PDE7B: variants seen among roughly 807,000 people sequenced by gnomAD.
The protein encoded by PDE7B is phosphodiesterase 7B.
A neutral mutation model predicts 56.2 loss-of-function variants in PDE7B; 29 were observed. That is an observed-to-expected ratio of 0.52 (90% confidence interval 0.38 to 0.70). The LOEUF (loss-of-function observed/expected upper bound fraction) is 0.70, where lower values mean the gene tolerates loss of function less well. Among genes scored for constraint, PDE7B ranks in the 30% least tolerant of loss-of-function variants. PDE7B has a pLI of 0.00. For synonymous variants in PDE7B, 197 were observed against 196.9 expected (o/e 1.00, Z 0.00); for missense variants, 490 against 565.0 (o/e 0.87, Z 1.35).
intron 2 of PDE7B, among the ~76,000 whole-genome samples, chr6:136,080,030 T>C (rs1160995673): frequency 1.3e-5 from 2 of 151,942 alleles, no homozygotes; most frequent in South Asian, 4.2e-4. Flanking sequence ...CCACCTGCAG[T>C]TCCTCTAGAT....
At chr6:136,119,191 T>A (rs1777888098) in intron 3 of PDE7B, among the ~76,000 whole-genome samples, 1 of 152,184 alleles carries the variant, frequency 6.6e-6, no homozygotes, top group Admixed American at 6.5e-5. Context: ...AAGAAACAAT[T>A]TCTCAAAATG....
At chr6:136,141,164 T>A (rs1049583659) in intron 3 of PDE7B, among the ~76,000 whole-genome samples, 8 of 152,194 alleles carry the variant, frequency 5.3e-5, no homozygotes, top group Non-Finnish European at 8.8e-5. Flanking sequence ...TATTGAGAGT[T>A]TTTAGCATGA....
intron 1 of PDE7B, among the ~76,000 whole-genome samples, chr6:135,890,652 AAT>A (rs1775794623): frequency 6.6e-6 from 1 of 152,320 alleles, no homozygotes; most frequent in Non-Finnish European, 1.5e-5. Context: ...GAAGGAGAAG[AAT>A]GTGGCAAGAG....
At chr6:136,093,507 C>T (rs1469621533) in intron 2 of PDE7B, among the ~76,000 whole-genome samples, 3 of 152,166 alleles carry the variant, frequency 2.0e-5, no homozygotes, top group East Asian at 3.9e-4. Flanking sequence ...CTTATAAAAT[C>T]GATGGTAAAC....
intron 1 of PDE7B, among the ~76,000 whole-genome samples, chr6:135,944,000 T>G (rs78838958): frequency 1.0e-3 from 159 of 152,254 alleles, no homozygotes; most frequent in Non-Finnish European, 1.3e-3. Context: ...CTGGGAGAGA[T>G]GGGCACAAAC....
chr6:136,080,833 C>A (rs1478971734), intron 2 of PDE7B, among the ~76,000 whole-genome samples: 3 of 152,024 alleles, frequency 2.0e-5, no homozygotes, highest in Non-Finnish European at 2.9e-5. Flanking sequence ...AAAAGAGAAG[C>A]AAGATATGGC....
intron 2 of PDE7B, among the ~76,000 whole-genome samples, chr6:136,045,838 G>A (rs759485957): frequency 1.3e-4 from 19 of 151,596 alleles, no homozygotes; most frequent in African/African-American, 2.4e-4. Context: ...TAAATCTTCC[G>A]TAAAGGTATC....
At chr6:136,057,044 T>C (rs1057476155) in intron 2 of PDE7B, among the ~76,000 whole-genome samples, 1 of 152,190 alleles carries the variant, frequency 6.6e-6, no homozygotes, top group African/African-American at 2.4e-5. Context: ...GTTTTCTCAT[T>C]TGTAAGATGG....
intron 2 of PDE7B, among the ~76,000 whole-genome samples, chr6:136,077,790 T>G (rs1032927500): frequency 1.1e-4 from 16 of 152,234 alleles, no homozygotes; most frequent in Non-Finnish European, 1.8e-4. Context: ...TTTTCAAATG[T>G]ATGACATAGT....
chr6:136,055,406 C>T (rs1277875542), intron 2 of PDE7B, among the ~76,000 whole-genome samples: 2 of 152,188 alleles, frequency 1.3e-5, no homozygotes, highest in African/African-American at 4.8e-5. Flanking sequence ...AGTACCAGCA[C>T]TGAGTCTTTT....
intron 2 of PDE7B, chr6:136,070,382 T>TTAGA (rs1303802291): frequency 5.3e-5 from 8 of 152,162 alleles, no homozygotes; most frequent in African/African-American, 1.9e-4. Flanking sequence ...TGATATCCAG[T>TTAGA]TAGAATATTT....
intron 2 of PDE7B, among the ~76,000 whole-genome samples, chr6:136,088,948 T>A (rs1777337683): frequency 6.6e-6 from 1 of 151,260 alleles, no homozygotes; most frequent in Non-Finnish European, 1.5e-5. Context: ...CAGAAGTGGA[T>A]CCTCTTCCTC....
intron 1 of PDE7B, among the ~76,000 whole-genome samples, chr6:135,932,954 C>T (rs909600114): frequency 7.2e-5 from 11 of 152,190 alleles, no homozygotes; most frequent in African/African-American, 2.7e-4. Flanking sequence ...GTCTATTAGT[C>T]ATAGATGGCA....
At chr6:136,054,548 G>T (rs1377938707) in intron 2 of PDE7B, among the ~76,000 whole-genome samples, 1 of 152,048 alleles carries the variant, frequency 6.6e-6, no homozygotes, top group Non-Finnish European at 1.5e-5. Flanking sequence ...GCCCTTTTTT[G>T]GTTCCATATG....
chr6:135,986,249 G>A (rs1222361175), intron 2 of PDE7B, among the ~76,000 whole-genome samples: 1 of 152,212 alleles, frequency 6.6e-6, no homozygotes, highest in African/African-American at 2.4e-5. Flanking sequence ...AGTAATTTCA[G>A]TAACTGAAGT....
intron 2 of PDE7B, among the ~76,000 whole-genome samples, chr6:136,012,884 C>A (rs1775916465): frequency 6.6e-6 from 1 of 152,166 alleles, no homozygotes; most frequent in Non-Finnish European, 1.5e-5. Flanking sequence ...TGTATTCAAA[C>A]ATGAACTTTT....
Position 135,934,729 on chromosome 6 carries a change from CAA to C in PDE7B, c.22-12725_22-12724del, listed in dbSNP as rs1273694326. ...TGGAGACAAGAGTGAAACTCTGTCT[CAA>C]AAAAAAAAATATATATATATATATT... On this transcript the variant is annotated intron_variant, in intron 1 of 12. Coordinates refer to ENST00000308191, the MANE Select transcript of PDE7B (RefSeq NM_018945.4). 2.5e-3 allele frequency among the ~76,000 whole-genome samples: 115 copies of C among 46,222 alleles called. 3 individuals carry two copies. The highest frequency in any genetic ancestry group is 0.022 in the South Asian group (29 of 1,326). 30.3% of individuals were successfully genotyped at this position (46,222 alleles called of 152,430 possible). A position where few individuals can be genotyped will look rare whatever the true frequency, so the allele number is the denominator to read the frequency against.
intron 1 of PDE7B, among the ~76,000 whole-genome samples, chr6:135,899,432 T>C (rs1268856180): frequency 6.6e-6 from 1 of 150,534 alleles, no homozygotes; most frequent in East Asian, 1.9e-4. Context: ...ATATATAATA[T>C]AGATATAGAT....
rs545116687 is a variant in PDE7B at position 136,117,975 on chromosome 6, G to A, written c.166+9161G>A. On this transcript the variant is annotated intron_variant, in intron 3 of 12. Transcript: ENST00000308191. Reference sequence around the variant, plus strand: ...TGGGTTTGAATCCTACTTATACTGTGAGCTTGAAAAAGATGCCCAAACTAC... The same window carrying A: ...TGGGTTTGAATCCTACTTATACTGTAAGCTTGAAAAAGATGCCCAAACTAC... 2.6e-5 allele frequency among the ~76,000 whole-genome samples: 4 copies of A among 152,188 alleles called. No individual in the cohort carries two copies. In the East Asian group the frequency reaches 5.8e-4, roughly 22 times the overall value.
Sources: gnomAD v4.1 joint callset for allele counts (sites outside exome capture counted in the v4.1 genomes callset) on GRCh38, gnomAD v4.1.1 for gene constraint, MANE v1.5 for transcripts, NCBI Gene and HGNC (gene_info 2026-07-23, HGNC 2026-07-21) for gene names.